Variants in WBP1L observed in about 807,000 individuals in gnomAD.
The protein encoded by WBP1L is WW domain binding protein 1-like.
WBP1L carries 17 observed loss-of-function variants against 33.7 expected under a neutral mutation model. The observed-to-expected ratio is 0.50, with a 90% CI of 0.34 to 0.76. The LOEUF is 0.76. Ranked by LOEUF, WBP1L falls within the 30% of genes least tolerant of loss-of-function variation. The pLI, the probability that WBP1L is intolerant of heterozygous loss-of-function variation, is 0.01. For missense variants in WBP1L, 389 were observed against 469.4 expected, an observed-to-expected ratio of 0.83 and a Z score of 1.58; for synonymous variants, 173 against 190.8, an observed-to-expected ratio of 0.91 and a Z score of 0.77.
chr10:102,757,722 G>A (rs1730617591), intron 1 of WBP1L, among the ~76,000 whole-genome samples: 3 of 151,256 alleles, frequency 2.0e-5, no homozygotes, highest in South Asian at 2.1e-4. Context: ...GACTATAGGC[G>A]TGCACCATTA....
At chr10:102,767,341 T>G (rs369943901) in intron 1 of WBP1L, among the ~76,000 whole-genome samples, 1 of 152,314 alleles carries the variant, frequency 6.6e-6, no homozygotes, top group East Asian at 1.9e-4. Flanking sequence ...CAAACCAGTT[T>G]CAGCTTCTGC....
chr10:102,789,747 C>CT (rs759423576), intron 1 of WBP1L, among the ~76,000 whole-genome samples: 15,335 of 138,180 alleles, frequency 0.11, 1,117 homozygotes, highest in Middle Eastern at 0.18. Flanking sequence ...AATTTTGTAT[C>CT]TTTTTTTTTT....
At chr10:102,790,655 C>T (rs1446821377) in intron 1 of WBP1L, among the ~76,000 whole-genome samples, 2 of 152,068 alleles carry the variant, frequency 1.3e-5, no homozygotes, top group African/African-American at 2.4e-5. Context: ...GGATTACAGG[C>T]GCCCGCCACC....
At chr10:102,763,868 C>T (rs1443012675) in intron 1 of WBP1L, among the ~76,000 whole-genome samples, 1 of 152,182 alleles carries the variant, frequency 6.6e-6, no homozygotes, top group Admixed American at 6.5e-5. Flanking sequence ...GGCTGGAGTG[C>T]AGTGGCGCGA....
At chr10:102,781,683 C>G (rs1215072878) in intron 1 of WBP1L, among the ~76,000 whole-genome samples, 1 of 152,110 alleles carries the variant, frequency 6.6e-6, no homozygotes, top group East Asian at 1.9e-4. Flanking sequence ...TGGAAGGAAA[C>G]TAGCTGTATA....
At chr10:102,751,040 A>G (rs879828961) in intron 1 of WBP1L, among the ~76,000 whole-genome samples, 4 of 151,940 alleles carry the variant, frequency 2.6e-5, no homozygotes, top group African/African-American at 9.7e-5. Flanking sequence ...TCACTCTGTC[A>G]CCCAGGCTGG....
intron 1 of WBP1L, among the ~76,000 whole-genome samples, chr10:102,783,947 C>G (rs552822330): frequency 6.6e-6 from 1 of 152,306 alleles, no homozygotes; most frequent in African/African-American, 2.4e-5. Context: ...TTCCTGCTGC[C>G]TTCTAAGCAG....
Position 102,810,564 on chromosome 10 carries a change from CT to C in WBP1L, c.355+529del, listed in dbSNP as rs779749788. Among the ~76,000 whole-genome samples, 150 of 59,812 alleles carry C rather than the reference CT, an allele frequency of 2.5e-3. 3 individuals carry two copies. Among genetic ancestry groups the C allele is most frequent in the Non-Finnish European group, 3.6e-3 (128 of 35,508 alleles). The allele number at this position is 59,812 out of a possible 152,430, so 39.2% of individuals were successfully genotyped here. On this transcript the variant is annotated intron_variant, in intron 3 of 3. Transcript: ENST00000448841. ...TCCCTCCCTCTCTCTCTCTCTATTT[CT>C]TTTTTTTTTTTTTTTTTTGAGATGG...
At chr10:102,771,849 A>G (rs72845847) in intron 1 of WBP1L, among the ~76,000 whole-genome samples, 29,360 of 151,694 alleles carry the variant, frequency 0.19, 3,233 homozygotes, top group East Asian at 0.49. Context: ...AAAGGGTAGT[A>G]TTTCCAGCAG....
rs977920668 is a variant in WBP1L at position 102,813,530 on chromosome 10, G to A, written c.*199G>A. On this transcript the variant is annotated 3_prime_UTR_variant, in exon 4 of 4. Coordinates refer to ENST00000448841, the MANE Select transcript of WBP1L (RefSeq NM_001083913.2). ...TGTGGATGCCTCTTCCTCCACAAGGGCACAGTGTTGTGGAGGGCTAAGTTG... is the reference window on the plus strand; with the variant it reads ...TGTGGATGCCTCTTCCTCCACAAGGACACAGTGTTGTGGAGGGCTAAGTTG... 4.1e-5 allele frequency: 29 copies of A among 700,384 alleles called. No homozygotes were observed. In the East Asian group the frequency reaches 7.4e-4, roughly 18 times the overall value. 43.4% of individuals were successfully genotyped at this position (700,384 alleles called of 1,614,324 possible). A position where few individuals can be genotyped will look rare whatever the true frequency, so the allele number is the denominator to read the frequency against.
intron 1 of WBP1L, among the ~76,000 whole-genome samples, chr10:102,752,904 G>A (rs1456174709): frequency 2.0e-5 from 3 of 152,212 alleles, no homozygotes; most frequent in Non-Finnish European, 4.4e-5. Context: ...ATCTGTGGAT[G>A]TTTGAGCCGT....
At chr10:102,777,831 C>T (rs993323234) in intron 1 of WBP1L, among the ~76,000 whole-genome samples, 1 of 152,096 alleles carries the variant, frequency 6.6e-6, no homozygotes, top group African/African-American at 2.4e-5. Context: ...TCCCGAAGTG[C>T]TAGGATTACA....
At chr10:102,755,905 C>T (rs1020298628) in intron 1 of WBP1L, among the ~76,000 whole-genome samples, 9 of 150,100 alleles carry the variant, frequency 6.0e-5, no homozygotes, top group Non-Finnish European at 1.0e-4. Context: ...ATTAGCCGGG[C>T]GTGGTGGTGG....
chr10:102,815,397 C>T lies in WBP1L; in HGVS notation c.*2066C>T, dbSNP rs1179598567. The T allele has an allele frequency of 3.3e-5, 5 of 152,628 alleles. No homozygotes were observed. Among genetic ancestry groups the T allele is most frequent in the African/African-American group, 9.7e-5 (4 of 41,434 alleles). The allele number at this position is 152,628 out of a possible 1,614,324, so 9.5% of individuals were successfully genotyped here. ...GCTGCTGGTCCTCAGTACCAGCGCC[C>T]GGGGGTGTCCACAACCACTTGGGAC... On this transcript the variant is annotated 3_prime_UTR_variant, in exon 4 of 4. Transcript: ENST00000448841.
chr10:102,793,384 G>T (rs1445108026), intron 1 of WBP1L, among the ~76,000 whole-genome samples: 1 of 152,234 alleles, frequency 6.6e-6, no homozygotes, highest in East Asian at 1.9e-4. Context: ...GTTTGAGGCT[G>T]TAGTGAGCTA....
intron 1 of WBP1L, among the ~76,000 whole-genome samples, chr10:102,766,332 T>C (rs1054090902): frequency 4.7e-5 from 7 of 147,580 alleles, no homozygotes; most frequent in Non-Finnish European, 8.9e-5. Context: ...TCTCAGCTAC[T>C]CAGGAAGCTG....
intron 1 of WBP1L, among the ~76,000 whole-genome samples, chr10:102,791,091 C>G (rs926295399): frequency 9.9e-5 from 15 of 152,164 alleles, no homozygotes; most frequent in African/African-American, 3.6e-4. Context: ...TGTTCTCCCC[C>G]TCTGAGGGCG....
intron 3 of WBP1L, among the ~76,000 whole-genome samples, chr10:102,810,631 A>G (rs1346654989): frequency 2.2e-5 from 3 of 135,394 alleles, no homozygotes; most frequent in Non-Finnish European, 3.1e-5. Context: ...CAGTGGCGCA[A>G]TCTTGGCTCA....
intron 1 of WBP1L, among the ~76,000 whole-genome samples, chr10:102,797,145 T>C (rs988692064): frequency 5.3e-5 from 8 of 152,222 alleles, no homozygotes; most frequent in African/African-American, 1.7e-4. Flanking sequence ...ATTTCAGTTG[T>C]AGATTTTTTT....
Sources: allele counts gnomAD v4.1 joint callset (sites outside exome capture counted in the v4.1 genomes callset), GRCh38; gene constraint gnomAD v4.1.1; transcripts MANE v1.5; gene names NCBI Gene and HGNC (gene_info 2026-07-23, HGNC 2026-07-21).